Variants in USP13 observed in about 807,000 individuals in gnomAD.
The protein encoded by USP13 is ubiquitin carboxyl-terminal hydrolase 13.
USP13 carries 68 observed loss-of-function variants against 107.8 expected under a neutral mutation model. The ratio of observed to expected loss-of-function variants is 0.63; its 90% CI spans 0.52 to 0.77. USP13 has a LOEUF of 0.77. Among genes scored for constraint, USP13 ranks in the 30% least tolerant of loss-of-function variants. The pLI is 0.00. For missense variants in USP13, 945 were observed against 1,093.3 expected (o/e 0.86, Z 1.91); for synonymous variants, 377 against 389.5 (o/e 0.97, Z 0.38).
In USP13 at chr3:179,694,799, C is replaced by CAAAGA. The variant is rs1327789835; in HGVS notation, c.355+4501_355+4502insGAAAA. Among the ~76,000 whole-genome samples, 23 of 81,980 alleles carry CAAAGA rather than the reference C, an allele frequency of 2.8e-4. 2 individuals are homozygous for CAAAGA. The highest frequency in any genetic ancestry group is 4.0e-4 in the East Asian group (1 of 2,520). 53.8% of individuals were successfully genotyped at this position (81,980 alleles called of 152,430 possible). ...CTGGGCAAAGAGTGAAACTCCATCT[C>CAAAGA]AAAAAAAAAAAAAAAAAAAAAAAAG... On this transcript the variant is annotated intron_variant, in intron 3 of 20. Transcript: ENST00000263966.
In USP13 at chr3:179,681,998, C is replaced by T. The variant is rs372042233; in HGVS notation, c.289C>T (p.Arg97Ter). 103 of 1,611,798 alleles carry T rather than the reference C, an allele frequency of 6.4e-5. 1 individual carries two copies. Among genetic ancestry groups the T allele is most frequent in the Non-Finnish European group, 8.2e-5 (97 of 1,178,878 alleles). Residue 97 changes from arginine (R) to a stop codon, truncating the protein, a stop_gained, in exon 2 of 21, where the codon CGA (arginine) becomes TGA (stop). Coordinates refer to ENST00000263966, the MANE Select transcript of USP13 (RefSeq NM_003940.3). LOFTEE classifies it high-confidence loss of function. ...ATACATGCACCTGAAAAGACATGTG[C>T]GAGAGGTGAGAGCGGCACTTTCAGA... Reference protein sequence around the residue: ...SVYMHLKRHVREKVRGASGGA... With the variant: ...SVYMHLKRHV
chr3:179,685,742 C>T (rs1411534573), intron 2 of USP13, among the ~76,000 whole-genome samples: 1 of 151,994 alleles, frequency 6.6e-6, no homozygotes, highest in East Asian at 1.9e-4. Flanking sequence ...ACAGTTAGCT[C>T]TGCCTCTGGA....
In USP13 at chr3:179,714,410, C is replaced by T. The variant is rs185809019; in HGVS notation, c.805+5453C>T. Among the ~76,000 whole-genome samples the T allele has an allele frequency of 7.2e-5, 11 of 152,310 alleles. No homozygotes were observed. In the East Asian group the frequency reaches 1.4e-3, roughly 19 times the overall value. Reference sequence around the variant, plus strand: ...ATGTTAGTTTTGGCCTGGCCTCGGCCCCTGCTGTGTGCCTCTGTGGTACTT... The same window carrying T: ...ATGTTAGTTTTGGCCTGGCCTCGGCTCCTGCTGTGTGCCTCTGTGGTACTT... On this transcript the variant is annotated intron_variant, in intron 6 of 20. Coordinates refer to ENST00000263966, the MANE Select transcript of USP13 (RefSeq NM_003940.3).
At chr3:179,763,121 C>T (rs528762428) in intron 17 of USP13, among the ~76,000 whole-genome samples, 13 of 152,266 alleles carry the variant, frequency 8.5e-5, no homozygotes, top group African/African-American at 2.4e-4. Context: ...ATTCCAGATA[C>T]GAGTTTCTAT....
chr3:179,740,489 C>A, intron 11 of USP13, 117 bp downstream of exon 11: 1 of 1,460,404 alleles, frequency 6.8e-7, no homozygotes, highest in Non-Finnish European at 9.3e-7. Flanking sequence ...TCAATCTCTC[C>A]TGTTAAAGCT....
chr3:179,783,690 T>A (rs1334197625), intron 20 of USP13, among the ~76,000 whole-genome samples: 1 of 152,202 alleles, frequency 6.6e-6, no homozygotes, highest in Non-Finnish European at 1.5e-5. Flanking sequence ...AACTACTTTT[T>A]GATGGAGCTT....
In USP13 at chr3:179,742,276, G is replaced by A. The variant is rs530238022; in HGVS notation, c.1460G>A (p.Arg487Gln). ...VEERIQCCQTRKVRYTERVDY... is the reference protein window; with the variant it reads ...VEERIQCCQTQKVRYTERVDY... ...GAACGCATTCAGTGCTGTCAGACCC[G>A]GAAAGTCCGCTACACGGAGAGGGTG... Residue 487 changes from arginine (R) to glutamine (Q), a missense_variant, in exon 12 of 21, where the codon CGG becomes CAG. Coordinates refer to ENST00000263966, the MANE Select transcript of USP13 (RefSeq NM_003940.3). The surrounding 1 kb of genome is among the most constrained non-coding windows in gnomAD (Gnocchi z 5.0). The A allele has an allele frequency of 1.5e-5, 25 of 1,614,056 alleles. No homozygotes were observed. In the Middle Eastern group the frequency reaches 4.9e-4, roughly 32 times the overall value.
At position 179,787,330 on chromosome 3, in the gene USP13, G is replaced by C. The variant is rs1715939273; in HGVS notation, c.*3189G>C. Reference sequence around the variant, plus strand: ...CTAAGTGAGGTGGGACTGAATCACTGTACCTCTCTGGGCCTTTTCATTTGA... The same window carrying C: ...CTAAGTGAGGTGGGACTGAATCACTCTACCTCTCTGGGCCTTTTCATTTGA... On this transcript the variant is annotated 3_prime_UTR_variant, in exon 21 of 21. Coordinates refer to ENST00000263966, the MANE Select transcript of USP13 (RefSeq NM_003940.3). The C allele has an allele frequency of 6.6e-6, 1 of 152,226 alleles. No homozygotes were observed. Among genetic ancestry groups the C allele is most frequent in the Non-Finnish European group, 1.5e-5 (1 of 68,056 alleles). 9.4% of individuals were successfully genotyped at this position (152,226 alleles called of 1,614,324 possible).
chr3:179,679,353 T>G (rs1477853833), intron 1 of USP13, among the ~76,000 whole-genome samples: 3 of 152,200 alleles, frequency 2.0e-5, no homozygotes, highest in African/African-American at 7.2e-5. Context: ...GTAATAAACA[T>G]CAATGTTTGT....
chr3:179,727,798 ACCC>A lies in USP13; in HGVS notation c.1089-2383_1089-2381del, dbSNP rs547029553. Among the ~76,000 whole-genome samples, 42 of 32,622 alleles carry A rather than the reference ACCC, an allele frequency of 1.3e-3. 4 individuals carry two copies. Among genetic ancestry groups the A allele is most frequent in the Non-Finnish European group, 2.1e-3 (27 of 12,666 alleles). 21.4% of individuals were successfully genotyped at this position (32,622 alleles called of 152,430 possible). ...GGGCGGCTGGCTGGGCAGGGGGCTGACCCCCCCCCCACCTCCCTCCCGGACGGG... is the reference window on the plus strand; with the variant it reads ...GGGCGGCTGGCTGGGCAGGGGGCTGACCCCCCCACCTCCCTCCCGGACGGG... On this transcript the variant is annotated intron_variant, in intron 8 of 20. Coordinates refer to ENST00000263966, the MANE Select transcript of USP13 (RefSeq NM_003940.3).
At chr3:179,775,204 A>G (rs1042653484) in intron 19 of USP13, among the ~76,000 whole-genome samples, 2 of 151,962 alleles carry the variant, frequency 1.3e-5, no homozygotes, top group Non-Finnish European at 2.9e-5. Flanking sequence ...CTTTAGCTAG[A>G]CACAGCATGC....
At chr3:179,771,392 G>C (rs1715337962) in intron 19 of USP13, among the ~76,000 whole-genome samples, 1 of 152,208 alleles carries the variant, frequency 6.6e-6, no homozygotes, top group South Asian at 2.1e-4. Context: ...TGAGGGTGGA[G>C]ACATCTTCCA....
At position 179,761,120 on chromosome 3, in the gene USP13, A is replaced by G. The variant is rs762030072; in HGVS notation, c.1957A>G (p.Ile653Val). 1.1e-5 allele frequency: 17 copies of G among 1,614,100 alleles called. No individual in the cohort carries two copies. The highest frequency in any genetic ancestry group is 2.2e-5 in the South Asian group (2 of 91,084). ...LMNQLIDPSD[I>V]DESSVMQLAE... ...CCTGTTGTGCTCTGTAGCATCAGAC[A>G]TCGATGAGTCATCAGTGATGCAGCT... The change falls in exon 17 of 21, where the codon ATC (isoleucine) becomes GTC (valine). Residue 653 changes from isoleucine to valine, a missense_variant. Transcript: ENST00000263966.
intron 10 of USP13, among the ~76,000 whole-genome samples, chr3:179,731,535 C>G (rs578163755): frequency 6.6e-6 from 1 of 152,114 alleles, no homozygotes; most frequent in Non-Finnish European, 1.5e-5. Flanking sequence ...TAAGCAGGCT[C>G]AAGTAGGAGA....
intron 12 of USP13, among the ~76,000 whole-genome samples, chr3:179,743,460 G>A (rs867303483): frequency 2.0e-5 from 3 of 151,802 alleles, no homozygotes; most frequent in East Asian, 3.9e-4. Flanking sequence ...TGTGTGTGGG[G>A]GGTGGTGGGT....
intron 2 of USP13, among the ~76,000 whole-genome samples, chr3:179,687,458 G>A (rs1331532474): frequency 4.6e-5 from 7 of 151,416 alleles, no homozygotes; most frequent in African/African-American, 1.2e-4. Context: ...TCGGGAGTTC[G>A]AGACCAGCCT....
chr3:179,713,200 C>A (rs745632273), intron 6 of USP13, among the ~76,000 whole-genome samples: 1 of 152,102 alleles, frequency 6.6e-6, no homozygotes, highest in African/African-American at 2.4e-5. Context: ...CAATGCAGAT[C>A]GTATACACTG....
At chr3:179,689,465 T>A (rs897613790) in intron 2 of USP13, among the ~76,000 whole-genome samples, 1 of 151,964 alleles carries the variant, frequency 6.6e-6, no homozygotes, top group African/African-American at 2.4e-5. Flanking sequence ...AAGACCAGCC[T>A]GACCAACACA....
intron 3 of USP13, among the ~76,000 whole-genome samples, chr3:179,696,825 A>G (rs1712343977): frequency 6.6e-6 from 1 of 152,166 alleles, no homozygotes; most frequent in African/African-American, 2.4e-5. Flanking sequence ...GCGAGGAGGT[A>G]AGGGAGTTCT....
Sources: gnomAD v4.1 joint callset for allele counts (sites outside exome capture counted in the v4.1 genomes callset) on GRCh38, gnomAD v4.1.1 for gene constraint, Gnocchi (gnomAD v3.1) non-coding constraint, MANE v1.5 for transcripts, NCBI Gene and HGNC (gene_info 2026-07-23, HGNC 2026-07-21) for gene names.